FDCSP: variants seen among roughly 807,000 people sequenced by gnomAD.
The protein encoded by FDCSP is follicular dendritic cell secreted protein, also known as follicular dendritic cell secreted peptide.
FDCSP carries 8 observed loss-of-function variants against 8.9 expected under a neutral mutation model. That is an observed-to-expected ratio of 0.90 (90% CI 0.53 to 1.63). The LOEUF (loss-of-function observed/expected upper bound fraction) is 1.63. Among genes scored for constraint, FDCSP ranks in the 40% most tolerant of loss-of-function variants. FDCSP has a pLI of 0.00. For missense variants in FDCSP, 101 were observed against 103.6 expected, an observed-to-expected ratio of 0.98 and a Z score of 0.11; for synonymous variants, 34 against 34.5, an observed-to-expected ratio of 0.98 and a Z score of 0.06.
In FDCSP at chr4:70,230,713, T is replaced by C. The variant is rs113988472; in HGVS notation, c.1-482T>C. On this transcript the variant is annotated intron_variant, in intron 1 of 4. Coordinates refer to ENST00000317987, the MANE Select transcript of FDCSP (RefSeq NM_152997.4). The stretch of plus-strand genomic sequence containing the variant: ...AATAAATCTGTCACCTACATTACTT[T>C]CATGGACATTAGTATATGGAATGTT... Among the ~76,000 whole-genome samples, 1,115 of 151,826 alleles carry C rather than the reference T, an allele frequency of 7.3e-3. 13 individuals are homozygous for C. The highest frequency in any genetic ancestry group is 0.025 in the African/African-American group (1,051 of 41,490).
intron 3 of FDCSP, among the ~76,000 whole-genome samples, chr4:70,233,601 A>C (rs1402052334): frequency 6.6e-6 from 1 of 151,760 alleles, no homozygotes; most frequent in Non-Finnish European, 1.5e-5. Context: ...GAATACAAAA[A>C]TTAATAGAGA....
At chr4:70,231,160 A>T (rs758986153) in intron 1 of FDCSP, 35 bp from the exon 2 acceptor site, 2 of 1,540,024 alleles carry the variant, frequency 1.3e-6, no homozygotes, top group Non-Finnish European at 1.8e-6. Flanking sequence ...ATAAAATGAA[A>T]GTTCTTCTTA....
intron 1 of FDCSP, among the ~76,000 whole-genome samples, chr4:70,226,387 C>A (rs543479032): frequency 6.6e-6 from 1 of 151,828 alleles, no homozygotes; most frequent in East Asian, 1.9e-4. Flanking sequence ...TTTTTAAAAT[C>A]ACCACCCTGC....
chr4:70,228,699 A>G (rs1560491659), intron 1 of FDCSP, among the ~76,000 whole-genome samples: 1 of 151,890 alleles, frequency 6.6e-6, no homozygotes, highest in South Asian at 2.1e-4. Flanking sequence ...ATGTTGTGTT[A>G]GCAGGCATGA....
At chr4:70,226,298 A>T (rs750493219) in intron 1 of FDCSP, 116 bp downstream of exon 1, 1 of 151,962 alleles carries the variant, frequency 6.6e-6, no homozygotes, top group Non-Finnish European at 1.5e-5. Context: ...TTAATTGTTG[A>T]GACTAAATTG....
rs185856950 is a variant in FDCSP, at chr4:70,232,940, A to T, written c.58-54A>T. On this transcript the variant is annotated intron_variant, in intron 2 of 4. Transcript: ENST00000317987. The stretch of plus-strand genomic sequence containing the variant: ...GATTGTCATGCATATGTATATATTT[A>T]TTTGTGTGTTTTCATGAGCATGAGT... 395 of 1,424,444 alleles carry T rather than the reference A, an allele frequency of 2.8e-4. 7 individuals carry two copies. In the East Asian group the frequency reaches 9.2e-3, roughly 33 times the overall value. 88.2% of individuals were successfully genotyped at this position (1,424,444 alleles called of 1,614,324 possible).
At chr4:70,233,388 G>T (rs190230297) in intron 3 of FDCSP, among the ~76,000 whole-genome samples, 4 of 151,834 alleles carry the variant, frequency 2.6e-5, no homozygotes, top group African/African-American at 9.6e-5. Flanking sequence ...AGCATTAAGA[G>T]ATGTGGGCCA....
chr4:70,226,226 C>T (rs1317576725), intron 1 of FDCSP, 44 bp downstream of exon 1: 1 of 151,800 alleles, frequency 6.6e-6, no homozygotes. Flanking sequence ...GATTGTATAT[C>T]TATTTTGTAA....
At chr4:70,233,096 A>G in intron 3 of FDCSP, 70 bp downstream of exon 3, 6 of 1,366,824 alleles carry the variant, frequency 4.4e-6, no homozygotes, top group Non-Finnish European at 6.1e-6. Flanking sequence ...TGTTAAAGAT[A>G]TTGATTTATC....
intron 1 of FDCSP, 88 bp from the exon 2 acceptor site, chr4:70,231,107 T>C: frequency 9.4e-7 from 1 of 1,064,554 alleles, no homozygotes. Flanking sequence ...AACTGGATCT[T>C]TTAAATTCAT....
intron 2 of FDCSP, among the ~76,000 whole-genome samples, chr4:70,232,300 A>C (rs1730097808): frequency 1.3e-5 from 2 of 151,748 alleles, no homozygotes; most frequent in Admixed American, 6.6e-5. Flanking sequence ...TATAAAGGAT[A>C]CCATTTTCCA....
intron 1 of FDCSP, among the ~76,000 whole-genome samples, chr4:70,228,748 C>A (rs1430890815): frequency 1.3e-5 from 2 of 151,702 alleles, no homozygotes; most frequent in African/African-American, 4.8e-5. Context: ...CTTCAGAGTT[C>A]TTGGGGGCTC....
chr4:70,231,161 GTTC>G (rs1560492284), intron 1 of FDCSP, 31 bp from the exon 2 acceptor site: 24 of 1,547,082 alleles, frequency 1.6e-5, no homozygotes, highest in South Asian at 2.3e-5. Context: ...TAAAATGAAA[GTTC>G]TTCTTATTTT....
intron 1 of FDCSP, among the ~76,000 whole-genome samples, chr4:70,227,500 A>G (rs537248859): frequency 6.6e-6 from 1 of 151,800 alleles, no homozygotes; most frequent in African/African-American, 2.4e-5. Context: ...TAGAATCTCC[A>G]CTATCTCAAA....
intron 3 of FDCSP, among the ~76,000 whole-genome samples, chr4:70,233,663 AAG>A (rs1050518039): frequency 2.6e-5 from 4 of 151,668 alleles, no homozygotes; most frequent in African/African-American, 9.7e-5. Flanking sequence ...GAGATAATGA[AAG>A]AGAGAAGTTG....
chr4:70,230,550 C>T (rs1184549619), intron 1 of FDCSP, among the ~76,000 whole-genome samples: 1 of 151,696 alleles, frequency 6.6e-6, no homozygotes, highest in South Asian at 2.1e-4. Context: ...AGTCCTTTAT[C>T]ATTTATTAAA....
rs571025022 is a variant in FDCSP at position 70,231,336 on chromosome 4, G to A, written c.57+85G>A. On this transcript the variant is annotated intron_variant, in intron 2 of 4. Coordinates refer to ENST00000317987, the MANE Select transcript of FDCSP (RefSeq NM_152997.4). The stretch of plus-strand genomic sequence containing the variant: ...GTCAACCAGGAACCACATACACAAG[G>A]GTGGTCCCAAAAGATTATAACAGAG... 19 of 1,099,460 alleles carry A rather than the reference G, an allele frequency of 1.7e-5. No individual in the cohort carries two copies. In the South Asian group the frequency reaches 2.7e-4, roughly 16 times the overall value. 68.1% of individuals were successfully genotyped at this position (1,099,460 alleles called of 1,614,324 possible). A position where few individuals can be genotyped will look rare whatever the true frequency, so the allele number is the denominator to read the frequency against.
rs573803440 is a variant in FDCSP at position 70,234,855 on chromosome 4, T to C, written c.*29-230T>C. Among the ~76,000 whole-genome samples, 11 of 150,914 alleles carry C rather than the reference T, an allele frequency of 7.3e-5. No homozygotes were observed. In the South Asian group the frequency reaches 2.3e-3, roughly 31 times the overall value. ...ATTTAATATATATAATTTAATCTTA[T>C]CTAAGATTAAATTAGAACCCAGAGG... is the stretch of plus-strand genomic sequence containing the variant. On this transcript the variant is annotated intron_variant, in intron 4 of 4. Transcript: ENST00000317987.
chr4:70,232,874 T>C, intron 2 of FDCSP, 120 bp from the exon 3 acceptor site: 1 of 861,940 alleles, frequency 1.2e-6, no homozygotes, highest in East Asian at 2.7e-5. Context: ...AAATTATGGG[T>C]ATTTTAAAAA....
Sources: allele counts gnomAD v4.1 joint callset (sites outside exome capture counted in the v4.1 genomes callset), GRCh38; gene constraint gnomAD v4.1.1; transcripts MANE v1.5; gene names NCBI Gene and HGNC (gene_info 2026-07-23, HGNC 2026-07-21).